Variants in IRAG2 observed in about 807,000 individuals in gnomAD.
IRAG2 encodes lymphoid restricted membrane protein.
In IRAG2, 45 loss-of-function variants were observed where a neutral mutation model predicts 69.9. That is an observed-to-expected ratio of 0.64 (90% confidence interval 0.51 to 0.83). The LOEUF is 0.83. Among genes scored for constraint, IRAG2 ranks in the 40% least tolerant of loss-of-function variants. The pLI, the probability that IRAG2 is intolerant of heterozygous loss-of-function variation, is 0.00. For missense variants in IRAG2, 520 were observed against 587.0 expected (o/e 0.89, Z 1.18); for synonymous variants, 193 against 202.4 (o/e 0.95, Z 0.40).
Position 25,069,440 on chromosome 12 carries a change from T to C in IRAG2, c.24+9T>C. 1 of 1,613,704 alleles carries C rather than the reference T, an allele frequency of 6.2e-7. No homozygotes were observed. Among genetic ancestry groups the C allele is most frequent in the Non-Finnish European group, 8.5e-7 (1 of 1,179,608 alleles). On this transcript the variant is annotated intron_variant, in intron 6 of 21. Coordinates refer to ENST00000556887, the MANE Select transcript of IRAG2 (RefSeq NM_001366544.2). ...ATGACCCAAGTATGGAAGTGAGTGT[T>C]GGACTGGATTTTGGTTTCATTTTCA...
At position 25,099,538 on chromosome 12, in the gene IRAG2, T is replaced by G. The variant is rs148037868; in HGVS notation, c.742-1640T>G. On this transcript the variant is annotated intron_variant, in intron 15 of 21. Transcript: ENST00000556887. The stretch of plus-strand genomic sequence containing the variant: ...TGTCCAGATTAATGCAATAGGTTCC[T>G]ATATGGTCTCCCTGCTTCCATCCAA... 6.6e-4 allele frequency among the ~76,000 whole-genome samples: 101 copies of G among 152,308 alleles called. No homozygotes were observed. The East Asian group carries it at 0.017, about 26-fold the overall frequency.
intron 16 of IRAG2, among the ~76,000 whole-genome samples, chr12:25,040,246 T>A (rs963756424): frequency 1.3e-5 from 2 of 152,252 alleles, no homozygotes; most frequent in Non-Finnish European, 2.9e-5. Context: ...CCCCGGCTCA[T>A]GCCTGTAATC....
intron 2 of IRAG2, among the ~76,000 whole-genome samples, chr12:25,010,998 G>GA (rs1045883553): frequency 6.6e-5 from 10 of 152,060 alleles, no homozygotes; most frequent in African/African-American, 2.4e-4. Flanking sequence ...GAACTGAAAG[G>GA]AAAAAATGTA....
rs1424128041 is a variant in IRAG2 at position 25,108,140 on chromosome 12, G to GAAAGT, written c.*82_*86dup. 1 of 1,490,448 alleles carries GAAAGT rather than the reference G, an allele frequency of 6.7e-7. No individual in the cohort carries two copies. The highest frequency in any genetic ancestry group is 9.1e-7 in the Non-Finnish European group (1 of 1,096,240). 92.3% of individuals were successfully genotyped at this position (1,490,448 alleles called of 1,614,324 possible). ...TCGTAAATTAGTAACTTTTAGCTGG[G>GAAAGT]AAAGTATAGCATGAAACCAGAGGTT... is the stretch of plus-strand genomic sequence containing the variant. On this transcript the variant is annotated 3_prime_UTR_variant, in exon 22 of 22. Coordinates refer to ENST00000556887, the MANE Select transcript of IRAG2 (RefSeq NM_001366544.2).
At chr12:25,076,328 T>C in intron 6 of IRAG2, 2 of 765,082 alleles carry the variant, frequency 2.6e-6, no homozygotes, top group Non-Finnish European at 3.2e-6. Context: ...ATTATTTGTT[T>C]AATCAATAAA....
chr12:25,069,278 G>T lies in IRAG2; in HGVS notation c.-58-72G>T, dbSNP rs529438014. 6 of 695,804 alleles carry T rather than the reference G, an allele frequency of 8.6e-6. No homozygotes were observed. In the African/African-American group the frequency reaches 1.1e-4, roughly 12 times the overall value. The allele number at this position is 695,804 out of a possible 1,614,324, so 43.1% of individuals were successfully genotyped here. A position where few individuals can be genotyped will look rare whatever the true frequency, so the allele number is the denominator to read the frequency against. Reference sequence around the variant, plus strand: ...CTGGGCGTAGGGGAGTGAGAACCATGTTATAGTTTAGTATCTGCTAAGATT... The same window carrying T: ...CTGGGCGTAGGGGAGTGAGAACCATTTTATAGTTTAGTATCTGCTAAGATT... On this transcript the variant is annotated intron_variant, in intron 5 of 21. Coordinates refer to ENST00000556887, the MANE Select transcript of IRAG2 (RefSeq NM_001366544.2).
chr12:25,032,926 C>T (rs559852658), intron 12 of IRAG2, among the ~76,000 whole-genome samples: 2 of 151,264 alleles, frequency 1.3e-5, no homozygotes, highest in Admixed American at 1.3e-4. Context: ...GCTTGCTTTT[C>T]CCTTACCCTG....
At chr12:25,015,166 T>TA in intron 3 of IRAG2, 1 of 1,210,820 alleles carries the variant, frequency 8.3e-7, no homozygotes, top group Middle Eastern at 3.2e-4. Flanking sequence ...TTTTTTTTTT[T>TA]TTTTTTTGGC....
Position 25,033,936 on chromosome 12 carries a change from C to T in IRAG2, c.1732C>T (p.Gln578Ter), listed in dbSNP as rs886564525. Residue 578 changes from glutamine to a stop codon, truncating the protein, a stop_gained, in exon 13 of 39, where the codon CAG becomes TAG. Coordinates refer to the IRAG2 transcript ENST00000636465. LOFTEE classifies it high-confidence loss of function. ...TTTACATTACGAACTCACTCTTGCT[C>T]AGTCTGCAGAGGTAGGTCATTATAA... The T allele has an allele frequency of 2.5e-6, 1 of 398,966 alleles. No individual in the cohort carries two copies. The highest frequency in any genetic ancestry group is 4.4e-6 in the Non-Finnish European group (1 of 226,020). 24.7% of individuals were successfully genotyped at this position (398,966 alleles called of 1,614,324 possible).
chr12:25,017,427 A>G (rs1944539486), intron 6 of IRAG2: 1 of 893,770 alleles, frequency 1.1e-6, no homozygotes, highest in Non-Finnish European at 1.5e-6. Context: ...TTTTTAGAGT[A>G]TATTCTCTGG....
intron 3 of IRAG2, among the ~76,000 whole-genome samples, chr12:25,012,297 G>A (rs1944482724): frequency 6.6e-6 from 1 of 151,622 alleles, no homozygotes; most frequent in African/African-American, 2.4e-5. Context: ...TGGAATCACA[G>A]GTGTGTGCCA....
chr12:25,005,226 T>C lies in IRAG2; in HGVS notation c.575-15T>C, dbSNP rs1357593193. ...ACAGAAAGCATCAGGATTTACAAAC[T>C]TTTTCTTCTAATAGGATGGAAACAA... On this transcript the variant is annotated splice_polypyrimidine_tract_variant and intron_variant, in intron 1 of 38. Coordinates refer to the IRAG2 transcript ENST00000636465. The C allele has an allele frequency of 3.4e-6, 4 of 1,177,532 alleles. No homozygotes were observed. In the African/African-American group the frequency reaches 6.3e-5, roughly 19 times the overall value. 72.9% of individuals were successfully genotyped at this position (1,177,532 alleles called of 1,614,324 possible). A position where few individuals can be genotyped will look rare whatever the true frequency, so the allele number is the denominator to read the frequency against.
intron 13 of IRAG2, among the ~76,000 whole-genome samples, chr12:25,035,147 T>A (rs1944693496): frequency 6.6e-6 from 1 of 152,090 alleles, no homozygotes; most frequent in African/African-American, 2.4e-5. Context: ...AAAGTAAGAG[T>A]CCTGTAACCT....
chr12:25,081,680 A>G (rs1947223439), intron 9 of IRAG2, among the ~76,000 whole-genome samples: 1 of 152,224 alleles, frequency 6.6e-6, no homozygotes, highest in African/African-American at 2.4e-5. Flanking sequence ...CCCAAATAAC[A>G]TATGCAAATG....
In IRAG2 at chr12:25,104,068, A is replaced by T. The variant is rs1404503510; in HGVS notation, c.1046+10A>T. On this transcript the variant is annotated intron_variant, in intron 19 of 21. Coordinates refer to ENST00000556887, the MANE Select transcript of IRAG2 (RefSeq NM_001366544.2). ...GAAGGTCAAGCAGTTGGTAAGTGTA[A>T]TTTTATGGTTCCTCTTTGGGAACCT... The T allele has an allele frequency of 6.2e-7, 1 of 1,612,132 alleles. No individual in the cohort carries two copies. The highest frequency in any genetic ancestry group is 8.5e-7 in the Non-Finnish European group (1 of 1,179,100).
At chr12:25,089,970 C>A in intron 13 of IRAG2, 87 bp from the exon 14 acceptor site, 2 of 1,404,268 alleles carry the variant, frequency 1.4e-6, no homozygotes, top group South Asian at 1.2e-5. Flanking sequence ...AAAGAAATGC[C>A]TCAGTATAAA....
intron 16 of IRAG2, among the ~76,000 whole-genome samples, chr12:25,041,841 G>C (rs1160811313): frequency 6.8e-6 from 1 of 147,102 alleles, no homozygotes; most frequent in African/African-American, 2.5e-5. Context: ...TAACCATTTA[G>C]ATATTCTGAT....
chr12:25,092,496 T>G (rs1592073785), intron 14 of IRAG2, among the ~76,000 whole-genome samples: 1 of 132,578 alleles, frequency 7.5e-6, no homozygotes, highest in Non-Finnish European at 1.6e-5. Flanking sequence ...ACTCAGGAGG[T>G]GGAGGGAGCA....
intron 2 of IRAG2, among the ~76,000 whole-genome samples, chr12:25,008,843 T>C (rs2139817774): frequency 6.6e-6 from 1 of 152,332 alleles, no homozygotes; most frequent in African/African-American, 2.4e-5. Context: ...ATGTATTCTC[T>C]AGTATGTGTG....
Sources: allele counts gnomAD v4.1 joint callset (sites outside exome capture counted in the v4.1 genomes callset), GRCh38; gene constraint gnomAD v4.1.1; transcripts MANE v1.5; gene names NCBI Gene and HGNC (gene_info 2026-07-23, HGNC 2026-07-21).